The following DYNC1I2 variants were observed in gnomAD, a reference collection of about 807,000 sequenced individuals.
The protein encoded by DYNC1I2 is dynein cytoplasmic 1 intermediate chain 2.
Under a neutral mutation model 88.6 loss-of-function variants are expected in DYNC1I2, and 53 were observed. The ratio of observed to expected loss-of-function variants is 0.60; its 90% CI spans 0.48 to 0.75. The LOEUF (loss-of-function observed/expected upper bound fraction) is 0.75, where lower values mean the gene tolerates loss of function less well. DYNC1I2 is among the 30% of genes least tolerant of loss of function. The probability of loss-of-function intolerance (pLI) is 0.00; values close to 1 mark genes in which losing one functional copy is unlikely to be tolerated. For synonymous variants in DYNC1I2, 198 were observed against 254.6 expected (o/e 0.78, Z 2.12); for missense variants, 458 against 766.6 (o/e 0.60, Z 4.75).
At chr2:171,698,288 C>T (rs746901528) in intron 3 of DYNC1I2, among the ~76,000 whole-genome samples, 34 of 152,272 alleles carry the variant, frequency 2.2e-4, no homozygotes, top group Non-Finnish European at 4.1e-4. Context: ...TTTGGTTACC[C>T]TAAATGTTAG....
At chr2:171,704,940 A>G (rs1686562182) in intron 3 of DYNC1I2, among the ~76,000 whole-genome samples, 1 of 152,080 alleles carries the variant, frequency 6.6e-6, no homozygotes, top group African/African-American at 2.4e-5. Flanking sequence ...TGTGGTATAC[A>G]TTATTTATTA....
intron 1 of DYNC1I2, among the ~76,000 whole-genome samples, chr2:171,689,917 G>A (rs1302643280): frequency 2.1e-5 from 3 of 142,070 alleles, no homozygotes; most frequent in African/African-American, 7.9e-5. Context: ...GTAGAGATGG[G>A]GTCTTGCTTT....
chr2:171,708,386 T>C (rs1310743563), intron 5 of DYNC1I2, among the ~76,000 whole-genome samples: 1 of 152,164 alleles, frequency 6.6e-6, no homozygotes, highest in Non-Finnish European at 1.5e-5. Flanking sequence ...TTCAATCAGC[T>C]CTTGAATAAT....
At chr2:171,721,106 C>T (rs1349394606) in intron 7 of DYNC1I2, among the ~76,000 whole-genome samples, 5 of 107,302 alleles carry the variant, frequency 4.7e-5, no homozygotes, top group Admixed American at 2.7e-4. Flanking sequence ...AGGCACATAG[C>T]AAGACCCCAT....
chr2:171,712,878 G>A, intron 6 of DYNC1I2, 52 bp downstream of exon 6: 1 of 1,461,246 alleles, frequency 6.8e-7, no homozygotes, highest in Non-Finnish European at 9.6e-7. Context: ...TTGATTCTTT[G>A]TGAAACTGTC....
At chr2:171,723,175 C>G (rs545077654) in intron 7 of DYNC1I2, among the ~76,000 whole-genome samples, 57 of 152,202 alleles carry the variant, frequency 3.7e-4, no homozygotes, top group African/African-American at 1.3e-3. Flanking sequence ...GAATTTGACA[C>G]CTGTCATTGG....
Position 171,707,388 on chromosome 2 carries a change from T to C in DYNC1I2, c.335+11T>C. The C allele has an allele frequency of 6.2e-7, 1 of 1,603,122 alleles. No homozygotes were observed. The highest frequency in any genetic ancestry group is 8.5e-7 in the Non-Finnish European group (1 of 1,176,432). On this transcript the variant is annotated intron_variant, in intron 5 of 17. Coordinates refer to ENST00000397119, the MANE Select transcript of DYNC1I2 (RefSeq NM_001378.3). Reference sequence around the variant, plus strand: ...CGCCGTGGGATCTAGGTACAGTAATTTTCCTTTTAATGTTTTAATGATAGA... The same window carrying C: ...CGCCGTGGGATCTAGGTACAGTAATCTTCCTTTTAATGTTTTAATGATAGA...
intron 6 of DYNC1I2, among the ~76,000 whole-genome samples, chr2:171,714,904 C>T (rs957616235): frequency 2.6e-5 from 4 of 152,138 alleles, no homozygotes; most frequent in African/African-American, 9.7e-5. Context: ...AAGCTGAATT[C>T]TCCTAGTGGC....
chr2:171,742,468 G>C (rs1689511199), intron 15 of DYNC1I2, among the ~76,000 whole-genome samples: 1 of 152,166 alleles, frequency 6.6e-6, no homozygotes, highest in Non-Finnish European at 1.5e-5. Context: ...CATGGCACCT[G>C]GGCCAGCTTT....
chr2:171,731,256 G>T (rs1187062465), intron 15 of DYNC1I2, among the ~76,000 whole-genome samples: 6 of 152,168 alleles, frequency 3.9e-5, no homozygotes, highest in Admixed American at 3.9e-4. Context: ...AAGCTCACAA[G>T]CAAAGAAATG....
rs1238778711 is a variant in DYNC1I2 at position 171,750,094 on chromosome 2, C to A, written c.*2205C>A. Among the ~76,000 whole-genome samples, 1 of 151,858 alleles carries A rather than the reference C, an allele frequency of 6.6e-6. No homozygotes were observed. The highest frequency in any genetic ancestry group is 1.5e-5 in the Non-Finnish European group (1 of 67,966). On this transcript the variant is annotated 3_prime_UTR_variant, in exon 18 of 18. Transcript: ENST00000397119. ...TTGAGTGGAACGTTAAAGTTTATTA[C>A]CTTCATGTTAAGGAATATCCAGCTT...
At position 171,739,698 on chromosome 2, in the gene DYNC1I2, T is replaced by TC. The variant is rs1559406785; in HGVS notation, c.1537-4351_1537-4350insC. On this transcript the variant is annotated intron_variant, in intron 15 of 17. Transcript: ENST00000397119. ...ATCCATTTGCGATTGACATATCTCT[T>TC]TTTTTTTTTTTTTTTTTTTTTTTTT... Among the ~76,000 whole-genome samples the TC allele has an allele frequency of 4.7e-4, 12 of 25,472 alleles. 1 individual carries two copies. The highest frequency in any genetic ancestry group is 9.5e-4 in the African/African-American group (10 of 10,486). 16.7% of individuals were successfully genotyped at this position (25,472 alleles called of 152,430 possible). A position where few individuals can be genotyped will look rare whatever the true frequency, so the allele number is the denominator to read the frequency against.
chr2:171,743,687 C>T (rs1255941084), intron 15 of DYNC1I2, among the ~76,000 whole-genome samples: 1 of 152,242 alleles, frequency 6.6e-6, no homozygotes, highest in Non-Finnish European at 1.5e-5. Context: ...TTCCTGCCCT[C>T]ATTGCTTTAT....
intron 7 of DYNC1I2, among the ~76,000 whole-genome samples, chr2:171,719,797 G>A (rs1050066917): frequency 6.6e-6 from 1 of 152,004 alleles, no homozygotes; most frequent in Non-Finnish European, 1.5e-5. Flanking sequence ...TAAGTTGGTA[G>A]TACTGTTTCT....
intron 15 of DYNC1I2, among the ~76,000 whole-genome samples, chr2:171,733,888 TGG>T (rs1688820109): frequency 6.6e-6 from 1 of 152,082 alleles, no homozygotes; most frequent in African/African-American, 2.4e-5. Context: ...ATGTACTGAA[TGG>T]TATTGTCTAG....
chr2:171,709,445 A>T (rs1011063404), intron 5 of DYNC1I2, among the ~76,000 whole-genome samples: 1 of 152,226 alleles, frequency 6.6e-6, no homozygotes, highest in Admixed American at 6.5e-5. Flanking sequence ...ACCACAGAAG[A>T]TAAAACATTC....
chr2:171,738,644 C>G (rs1454357430), intron 15 of DYNC1I2, among the ~76,000 whole-genome samples: 2 of 152,162 alleles, frequency 1.3e-5, no homozygotes, highest in Non-Finnish European at 2.9e-5. Flanking sequence ...TGATGGAAGA[C>G]ATAACATTGC....
At chr2:171,709,819 G>A (rs1686967167) in intron 5 of DYNC1I2, among the ~76,000 whole-genome samples, 1 of 152,104 alleles carries the variant, frequency 6.6e-6, no homozygotes, top group Non-Finnish European at 1.5e-5. Flanking sequence ...CCACGTTCAA[G>A]CGATTCTCCT....
intron 5 of DYNC1I2, among the ~76,000 whole-genome samples, chr2:171,708,956 G>C (rs963683230): frequency 1.3e-5 from 2 of 152,006 alleles, no homozygotes; most frequent in African/African-American, 2.4e-5. Context: ...GCCTCCGAAC[G>C]TGCTGGGATT....
Sources: gnomAD v4.1 joint callset for allele counts (sites outside exome capture counted in the v4.1 genomes callset) on GRCh38, gnomAD v4.1.1 for gene constraint, MANE v1.5 for transcripts, NCBI Gene and HGNC (gene_info 2026-07-23, HGNC 2026-07-21) for gene names.